PSMD5: variants seen among roughly 807,000 people sequenced by gnomAD.
PSMD5 encodes the protein proteasome 26S subunit, non-ATPase 5.
Under a neutral mutation model 52.1 loss-of-function variants are expected in PSMD5, and 40 were observed. That is an observed-to-expected ratio of 0.77 (90% CI 0.60 to 1.00). PSMD5 has a LOEUF of 1.00. Among genes scored for constraint, PSMD5 ranks in the 50% least tolerant of loss-of-function variants. The pLI is 0.00. For synonymous variants in PSMD5, 211 were observed against 226.6 expected, an observed-to-expected ratio of 0.93 and a Z score of 0.62; for missense variants, 575 against 605.2, an observed-to-expected ratio of 0.95 and a Z score of 0.52.
chr9:120,820,426 A>G (rs564628057), intron 9 of PSMD5, among the ~76,000 whole-genome samples: 1 of 152,344 alleles, frequency 6.6e-6, no homozygotes, highest in South Asian at 2.1e-4. Flanking sequence ...GAGGTTAAGA[A>G]GCAAAGTTAA....
chr9:120,825,014 T>C (rs1472113896), intron 6 of PSMD5: 1 of 182,394 alleles, frequency 5.5e-6, no homozygotes, highest in African/African-American at 2.4e-5. Context: ...TAAATGGATA[T>C]GTTCATTAAT....
Position 120,835,415 on chromosome 9 carries a change from T to C in PSMD5, c.174-1959A>G, listed in dbSNP as rs547617689. On this transcript the variant is annotated intron_variant, in intron 1 of 9. Transcript: ENST00000210313. The stretch of plus-strand genomic sequence containing the variant: ...TTCTGTTTATATGAAATGTCCAGAA[T>C]AGACGAATCCATATAGAAAGTAGAT... 1.2e-4 allele frequency among the ~76,000 whole-genome samples: 19 copies of C among 152,290 alleles called. No individual in the cohort carries two copies. The South Asian group carries it at 3.7e-3, about 30-fold the overall frequency.
chr9:120,827,882 T>C (rs1051584177), intron 5 of PSMD5, among the ~76,000 whole-genome samples: 3 of 152,256 alleles, frequency 2.0e-5, no homozygotes, highest in Non-Finnish European at 4.4e-5. Context: ...ATTTGGCAGA[T>C]ATTAAAGGGG....
In PSMD5 at chr9:120,836,695, C is replaced by T. The variant is rs375201328; in HGVS notation, c.174-3239G>A. Among the ~76,000 whole-genome samples the T allele has an allele frequency of 4.6e-4, 70 of 152,140 alleles. 1 individual carries two copies. The highest frequency in any genetic ancestry group is 1.5e-3 in the African/African-American group (63 of 41,524). The stretch of plus-strand genomic sequence containing the variant: ...TACAGGTGTGAGCCACCATGCCTGG[C>T]CCCATCTGTACTTCTTGTTCAAATC... On this transcript the variant is annotated intron_variant, in intron 1 of 9. Coordinates refer to ENST00000210313, the MANE Select transcript of PSMD5 (RefSeq NM_005047.4).
At chr9:120,839,374 CA>C (rs1339213368) in intron 1 of PSMD5, among the ~76,000 whole-genome samples, 6 of 151,940 alleles carry the variant, frequency 3.9e-5, no homozygotes, top group African/African-American at 1.2e-4. Context: ...ACTGGGGTTA[CA>C]AGGTGGGAAG....
At chr9:120,826,978 A>G in intron 5 of PSMD5, 71 bp from the exon 6 acceptor site, 1 of 1,413,004 alleles carries the variant, frequency 7.1e-7, no homozygotes, top group Non-Finnish European at 9.6e-7. Context: ...TTGCTCTCAT[A>G]CAGGTTATCT....
chr9:120,835,845 A>AG (rs2045194848), intron 1 of PSMD5, among the ~76,000 whole-genome samples: 1 of 152,202 alleles, frequency 6.6e-6, no homozygotes, highest in Admixed American at 6.5e-5. Flanking sequence ...TTTTAAAAAA[A>AG]AAATGTGATT....
intron 6 of PSMD5, among the ~76,000 whole-genome samples, chr9:120,825,356 T>A (rs181360436): frequency 3.3e-5 from 5 of 152,312 alleles, no homozygotes; most frequent in Admixed American, 3.3e-4. Context: ...TTTAAAAAAA[T>A]TAACTTTTAA....
rs1475732662 is a variant in PSMD5 at position 120,833,426 on chromosome 9, C to T, written c.204G>A (p.Leu68=). The T allele has an allele frequency of 2.5e-6, 4 of 1,614,024 alleles. No individual in the cohort carries two copies. Among genetic ancestry groups the T allele is most frequent in the Non-Finnish European group, 3.4e-6 (4 of 1,179,944 alleles). ...GTTCCATAGCTTGGAGCAATCTCTC[C>T]AGAATGGATACACACAAAGTAGTCT... The part of the protein sequence containing the change: ...REKTTLCVSI[L]ERLLQAMEPV... Residue 68 remains leucine (L), a synonymous_variant, in exon 2 of 10, where the codon CTG becomes CTA. Transcript: ENST00000210313.
intron 1 of PSMD5, among the ~76,000 whole-genome samples, chr9:120,835,015 T>C (rs2045188788): frequency 1.3e-5 from 2 of 152,210 alleles, no homozygotes; most frequent in South Asian, 4.1e-4. Context: ...TAGTACACAA[T>C]TCAACTGATA....
intron 1 of PSMD5, among the ~76,000 whole-genome samples, chr9:120,840,689 G>A (rs1218888535): frequency 1.4e-5 from 2 of 146,626 alleles, no homozygotes; most frequent in South Asian, 2.2e-4. Flanking sequence ...GAGCGATCTC[G>A]TCTCACCGCA....
chr9:120,824,931 G>T, intron 6 of PSMD5: 1 of 332,312 alleles, frequency 3.0e-6, no homozygotes, highest in African/African-American at 2.1e-5. Flanking sequence ...GCAAGAGGGA[G>T]AACAAAGAAA....
chr9:120,832,457 C>T (rs1223210920), intron 2 of PSMD5, among the ~76,000 whole-genome samples: 2 of 138,126 alleles, frequency 1.4e-5, no homozygotes, highest in East Asian at 2.1e-4. Flanking sequence ...AGTGCAGTGG[C>T]GCGATCTCAG....
Position 120,820,857 on chromosome 9 carries a change from A to C in PSMD5, c.1239T>G (p.Ala413=), listed in dbSNP as rs2045078601. 1 of 1,589,980 alleles carries C rather than the reference A, an allele frequency of 6.3e-7. No homozygotes were observed. The highest frequency in any genetic ancestry group is 8.5e-7 in the Non-Finnish European group (1 of 1,173,558). ...SSQPFPELHC[A]ALKVFTAIAN... ...TACCTACCGTAAACACTTTTAAGGC[A>C]GCACAGTGTAGTTCAGGGAAGGGCT... Residue 413 remains alanine (A), a synonymous_variant, in exon 9 of 10, where the codon GCT becomes GCG. Coordinates refer to ENST00000210313, the MANE Select transcript of PSMD5 (RefSeq NM_005047.4).
rs1440838757 is a variant in PSMD5 at position 120,816,984 on chromosome 9, A to C, written c.*922T>G. On this transcript the variant is annotated 3_prime_UTR_variant, in exon 10 of 10. Coordinates refer to ENST00000210313, the MANE Select transcript of PSMD5 (RefSeq NM_005047.4). ...GGAATCCTTCTGATCCCCCAAAACC[A>C]CAACAGGGCAAAGTTCATTGGTAAA... is the stretch of plus-strand genomic sequence containing the variant. 6.6e-6 allele frequency: 1 copy of C among 152,236 alleles called. No homozygotes were observed. Among genetic ancestry groups the C allele is most frequent in the Non-Finnish European group, 1.5e-5 (1 of 68,040 alleles). 9.4% of individuals were successfully genotyped at this position (152,236 alleles called of 1,614,324 possible). A position where few individuals can be genotyped will look rare whatever the true frequency, so the allele number is the denominator to read the frequency against.
intron 9 of PSMD5, among the ~76,000 whole-genome samples, chr9:120,818,584 CTCAT>C (rs920593365): frequency 1.3e-5 from 2 of 151,442 alleles, no homozygotes; most frequent in African/African-American, 4.9e-5. Context: ...CCTCAAGATA[CTCAT>C]ATAGTGCACA....
intron 7 of PSMD5, among the ~76,000 whole-genome samples, chr9:120,823,397 C>G (rs2045099702): frequency 6.6e-6 from 1 of 151,344 alleles, no homozygotes; most frequent in African/African-American, 2.4e-5. Flanking sequence ...TTAGTAGAGA[C>G]AGGGTTTCAC....
At chr9:120,822,558 T>C (rs1460690015) in intron 7 of PSMD5, among the ~76,000 whole-genome samples, 1 of 152,246 alleles carries the variant, frequency 6.6e-6, no homozygotes, top group Non-Finnish European at 1.5e-5. Context: ...TTCTAATTTT[T>C]ATTTTTTTGA....
At chr9:120,820,363 A>C (rs1207457326) in intron 9 of PSMD5, among the ~76,000 whole-genome samples, 3 of 152,224 alleles carry the variant, frequency 2.0e-5, no homozygotes, top group Non-Finnish European at 2.9e-5. Flanking sequence ...CAACCTTGTC[A>C]ATCTGGGCAA....
Sources: allele counts gnomAD v4.1 joint callset (sites outside exome capture counted in the v4.1 genomes callset), GRCh38; gene constraint gnomAD v4.1.1; transcripts MANE v1.5; gene names NCBI Gene and HGNC (gene_info 2026-07-23, HGNC 2026-07-21).